Variants in PLK1 observed in about 807,000 individuals in gnomAD.
PLK1 encodes serine/threonine-protein kinase PLK1.
A neutral mutation model predicts 56.7 loss-of-function variants in PLK1; 6 were observed. The observed-to-expected ratio is 0.11, with a 90% confidence interval of 0.06 to 0.21. The LOEUF is 0.21. Ranked by LOEUF, PLK1 falls within the 10% of genes least tolerant of loss-of-function variation. The pLI, the probability that PLK1 is intolerant of heterozygous loss-of-function variation, is 1.00. For missense variants in PLK1, 546 were observed against 814.4 expected, an observed-to-expected ratio of 0.67 and a Z score of 4.01; for synonymous variants, 298 against 325.0, an observed-to-expected ratio of 0.92 and a Z score of 0.89.
Position 23,689,851 on chromosome 16 carries a change from C to T in PLK1, c.1609-9C>T. Reference sequence around the variant, plus strand: ...GGGATCGCCAACCCCTGCTGCTCTTCTCTTGCAGGATCACACCAAGCTCAT... The same window carrying T: ...GGGATCGCCAACCCCTGCTGCTCTTTTCTTGCAGGATCACACCAAGCTCAT... On this transcript the variant is annotated splice_polypyrimidine_tract_variant and intron_variant, in intron 9 of 9. Transcript: ENST00000300093. This position sits in a 1 kb window ranked among gnomAD's most constrained non-coding sequence, Gnocchi z 4.8. 1 of 1,611,990 alleles carries T rather than the reference C, an allele frequency of 6.2e-7. No individual in the cohort carries two copies. The highest frequency in any genetic ancestry group is 1.1e-5 in the South Asian group (1 of 91,046).
Position 23,689,474 on chromosome 16 carries a change from C to T in PLK1, c.1426-20C>T. The T allele has an allele frequency of 3.7e-6, 6 of 1,603,582 alleles. No homozygotes were observed. Among genetic ancestry groups the T allele is most frequent in the South Asian group, 1.1e-5 (1 of 90,774 alleles). Reference sequence around the variant, plus strand: ...GGATCAGACTCTAATTCTGGAACCCCTTACCTACTTTTCATCCAGATCACC... The same window carrying T: ...GGATCAGACTCTAATTCTGGAACCCTTTACCTACTTTTCATCCAGATCACC... On this transcript the variant is annotated intron_variant, in intron 8 of 9. Transcript: ENST00000300093. This position sits in a 1 kb window ranked among gnomAD's most constrained non-coding sequence, Gnocchi z 4.8.
intron 2 of PLK1, among the ~76,000 whole-genome samples, chr16:23,680,708 G>A (rs1169305987): frequency 6.6e-6 from 1 of 152,210 alleles, no homozygotes; most frequent in Non-Finnish European, 1.5e-5. Context: ...CTTTCTAAAA[G>A]GAGGGGTGAG....
Position 23,689,203 on chromosome 16 carries a change from C to T in PLK1, c.1271-35C>T, listed in dbSNP as rs34785927. 0.017 allele frequency: 27,620 copies of T among 1,583,500 alleles called. 302 individuals carry two copies. The highest frequency in any genetic ancestry group is 0.021 in the Non-Finnish European group (24,617 of 1,156,272). Reference sequence around the variant, plus strand: ...CCGGTCCCACTCCCCACTTTCTATTCCCCCTTTCTGAGACCTCTCTCCACC... The same window carrying T: ...CCGGTCCCACTCCCCACTTTCTATTTCCCCTTTCTGAGACCTCTCTCCACC... On this transcript the variant is annotated intron_variant, in intron 7 of 9. Coordinates refer to ENST00000300093, the MANE Select transcript of PLK1 (RefSeq NM_005030.6). This position sits in a 1 kb window ranked among gnomAD's most constrained non-coding sequence, Gnocchi z 4.8.
chr16:23,679,861 C>T (rs896226335), intron 1 of PLK1: 30 of 431,126 alleles, frequency 7.0e-5, no homozygotes, highest in Non-Finnish European at 1.1e-4. Flanking sequence ...AGGGGTGCTG[C>T]GAATGGTTGT....
Position 23,678,893 on chromosome 16 carries a change from G to A in PLK1, c.-40G>A, listed in dbSNP as rs1265539499. On this transcript the variant is annotated 5_prime_UTR_variant, in exon 1 of 10. Coordinates refer to ENST00000300093, the MANE Select transcript of PLK1 (RefSeq NM_005030.6). ...CGGGGAGGAGCGGAGCGGTGCGGAGGCTCTGCTCGGATCGAGGTCTGCAGC... is the reference window on the plus strand; with the variant it reads ...CGGGGAGGAGCGGAGCGGTGCGGAGACTCTGCTCGGATCGAGGTCTGCAGC... The A allele has an allele frequency of 2.1e-6, 3 of 1,449,738 alleles. No individual in the cohort carries two copies. The Admixed American group carries it at 7.7e-5, about 37-fold the overall frequency. The allele number at this position is 1,449,738 out of a possible 1,614,324, so 89.8% of individuals were successfully genotyped here. A position where few individuals can be genotyped will look rare whatever the true frequency, so the allele number is the denominator to read the frequency against.
intron 4 of PLK1, 110 bp downstream of exon 4, chr16:23,682,267 G>A: frequency 1.5e-6 from 1 of 649,030 alleles, no homozygotes; most frequent in Non-Finnish European, 2.7e-6. Context: ...CTCTAAGGTA[G>A]CCACAGAGCT....
chr16:23,682,506 T>C (rs937396310), intron 4 of PLK1, among the ~76,000 whole-genome samples: 5 of 151,110 alleles, frequency 3.3e-5, no homozygotes, highest in Admixed American at 6.6e-5. Context: ...GAGATCACAT[T>C]GGGCAAATGG....
In PLK1 at chr16:23,690,130, G is replaced by A. The variant is rs779912371; in HGVS notation, c.*67G>A. 13 of 1,291,550 alleles carry A rather than the reference G, an allele frequency of 1.0e-5. No individual in the cohort carries two copies. The Admixed American group carries it at 2.1e-4, about 21-fold the overall frequency. The allele number at this position is 1,291,550 out of a possible 1,614,324, so 80.0% of individuals were successfully genotyped here. A position where few individuals can be genotyped will look rare whatever the true frequency, so the allele number is the denominator to read the frequency against. On this transcript the variant is annotated 3_prime_UTR_variant, in exon 10 of 10. Coordinates refer to ENST00000300093, the MANE Select transcript of PLK1 (RefSeq NM_005030.6). ...CCTGCATCTGGGGCCCATACTGGTT[G>A]GCTCCCGCGGTGCCATGTCTGCAGT...
rs756878874 is a variant in PLK1 at position 23,690,096 on chromosome 16, T to A, written c.*33T>A. On this transcript the variant is annotated 3_prime_UTR_variant, in exon 10 of 10. Transcript: ENST00000300093. ...CCTCCCCTCCGGACTGGTGCCCTCC[T>A]CACTCCCACCTGCATCTGGGGCCCA... The A allele has an allele frequency of 2.0e-6, 3 of 1,535,988 alleles. No homozygotes were observed. The highest frequency in any genetic ancestry group is 2.7e-6 in the Non-Finnish European group (3 of 1,120,838).
intron 1 of PLK1, chr16:23,679,670 G>T (rs1000732172): frequency 2.0e-5 from 6 of 296,422 alleles, no homozygotes; most frequent in Non-Finnish European, 3.8e-5. Context: ...TCCCAGGTTA[G>T]TGATGCCGCG....
At chr16:23,686,394 T>A (rs1223816589) in intron 5 of PLK1, among the ~76,000 whole-genome samples, 3 of 152,236 alleles carry the variant, frequency 2.0e-5, no homozygotes, top group Non-Finnish European at 4.4e-5. Context: ...GTCCCATGTT[T>A]CATCTATTTT....
chr16:23,687,676 A>G, intron 6 of PLK1, 52 bp downstream of exon 6: 4 of 1,396,398 alleles, frequency 2.9e-6, no homozygotes, highest in Non-Finnish European at 2.9e-6. Flanking sequence ...GCATCTGGAA[A>G]AGGCAGGAGG....
At chr16:23,684,117 A>G in intron 5 of PLK1, 28 bp downstream of exon 5, 1 of 1,571,844 alleles carries the variant, frequency 6.4e-7, no homozygotes, top group Non-Finnish European at 8.8e-7. Flanking sequence ...GTAAGAGAGC[A>G]GACCCCCCAG....
chr16:23,681,068 G>A lies in PLK1; in HGVS notation c.722+10G>A. The stretch of plus-strand genomic sequence containing the variant: ...CCATTGGGTGTATCATGTAAGTTGG[G>A]AGTTGTCTCTGGACCAACCTGGTCT... On this transcript the variant is annotated intron_variant, in intron 3 of 9. Coordinates refer to ENST00000300093, the MANE Select transcript of PLK1 (RefSeq NM_005030.6). 1.2e-6 allele frequency: 2 copies of A among 1,611,576 alleles called. No homozygotes were observed. The highest frequency in any genetic ancestry group is 1.3e-5 in the African/African-American group (1 of 74,920).
At chr16:23,684,835 C>A (rs1012944025) in intron 5 of PLK1, among the ~76,000 whole-genome samples, 2 of 151,122 alleles carry the variant, frequency 1.3e-5, no homozygotes, top group African/African-American at 2.4e-5. Flanking sequence ...TTTTTTGTAT[C>A]TTTTAGTAGA....
In PLK1 at chr16:23,682,070, C is replaced by T. The variant is rs763355876; in HGVS notation, c.729C>T (p.Thr243=). Residue 243 remains threonine, a synonymous_variant, in exon 4 of 10, where the codon ACC becomes ACT. Transcript: ENST00000300093. ...TCCTACCTTGTGCTTACAGGTATAC[C>T]TTGTTAGTGGGCAAACCACCTTTTG... ...DVWSIGCIMY[T]LLVGKPPFET... is the part of the protein sequence containing the mutation. 1.8e-5 allele frequency: 28 copies of T among 1,585,870 alleles called. No homozygotes were observed. The highest frequency in any genetic ancestry group is 1.7e-6 in the Non-Finnish European group (2 of 1,154,486).
intron 5 of PLK1, chr16:23,686,996 T>C (rs1398090748): frequency 6.6e-6 from 1 of 152,278 alleles, no homozygotes; most frequent in African/African-American, 2.4e-5. Context: ...AGCGTTAAAA[T>C]TTCATGTTAT....
chr16:23,679,326 C>G lies in PLK1; in HGVS notation c.394C>G (p.Leu132Val). 2 of 1,612,042 alleles carry G rather than the reference C, an allele frequency of 1.2e-6. No individual in the cohort carries two copies. The highest frequency in any genetic ancestry group is 1.3e-5 in the African/African-American group (1 of 75,038). Residue 132 changes from leucine (L) to valine (V), a missense_variant, in exon 1 of 10, where the codon CTC becomes GTC. Physicochemically the swap from Leu to Val is conservative, Grantham distance 32. This residue lies in a region of PLK1 where 111 missense variants were observed against 211.8 expected (regional missense o/e 0.52). Transcript: ENST00000300093. The part of the protein sequence containing the change: ...DNDFVFVVLE[L>V]CRRRSLLELH... ...CGACTTCGTGTTCGTGGTGTTGGAG[C>G]TCTGCCGCCGGAGGGTGAGTGTCGC...
chr16:23,688,806 T>TA lies in PLK1; in HGVS notation c.1270+62dup, dbSNP rs1159953300. ...ACAGCCAGGTGACCTTTTCAGTTGT[T>TA]ACAGACTCTGGCCTTTTTGAGCTCC... is the stretch of plus-strand genomic sequence containing the variant. On this transcript the variant is annotated intron_variant, in intron 7 of 9. Transcript: ENST00000300093. The TA allele has an allele frequency of 3.4e-6, 4 of 1,191,070 alleles. No individual in the cohort carries two copies. In the African/African-American group the frequency reaches 6.1e-5, roughly 18 times the overall value. 73.8% of individuals were successfully genotyped at this position (1,191,070 alleles called of 1,614,324 possible).
Sources: allele counts gnomAD v4.1 joint callset (sites outside exome capture counted in the v4.1 genomes callset), GRCh38; gene constraint gnomAD v4.1.1; regional missense constraint gnomAD v4.1.1; non-coding constraint Gnocchi (gnomAD v3.1); transcripts MANE v1.5; gene names NCBI Gene and HGNC (gene_info 2026-07-23, HGNC 2026-07-21).